Variants in AMN observed in about 807,000 individuals in gnomAD.
AMN encodes amnion associated transmembrane protein.
Under a neutral mutation model 49.1 loss-of-function variants are expected in AMN, and 40 were observed. That is an observed-to-expected ratio of 0.81 (90% CI 0.63 to 1.06). AMN has a LOEUF of 1.06. Among genes scored for constraint, AMN ranks in the 50% least tolerant of loss-of-function variants. AMN has a pLI of 0.00. For synonymous variants in AMN, 380 were observed against 313.3 expected, an observed-to-expected ratio of 1.21 and a Z score of -2.25; for missense variants, 701 against 662.8, an observed-to-expected ratio of 1.06 and a Z score of -0.63.
intron 4 of AMN, 95 bp from the exon 5 acceptor site, chr14:102,928,663 T>TTGGGAGGTCGTGCTCAGACGCGTGGCG: frequency 2.0e-6 from 3 of 1,514,982 alleles, no homozygotes; most frequent in Non-Finnish European, 8.9e-7. Flanking sequence ...GAAGCGGGGC[T>TTGGGAGGTCGTGCTCAGACGCGTGGCG]TGGGAGGTCG....
chr14:102,922,779 A>T (rs1358658629), intron 1 of AMN, 48 bp downstream of exon 1: 1 of 1,553,340 alleles, frequency 6.4e-7, no homozygotes, highest in East Asian at 2.3e-5. Flanking sequence ...GCGGTCTGTC[A>T]GGACCCAGGG....
chr14:102,929,792 C>A, intron 8 of AMN, 55 bp downstream of exon 8: 1 of 1,544,312 alleles, frequency 6.5e-7, no homozygotes, highest in Non-Finnish European at 8.8e-7. Flanking sequence ...CCTACCGCCT[C>A]CGCCTAGGAC....
In AMN at chr14:102,930,064, C is replaced by T; in HGVS notation, c.984C>T (p.Leu328=). 1 of 1,544,104 alleles carries T rather than the reference C, an allele frequency of 6.5e-7. No homozygotes were observed. Among genetic ancestry groups the T allele is most frequent in the South Asian group, 1.2e-5 (1 of 83,532 alleles). The stretch of plus-strand genomic sequence containing the variant: ...GAGCGGGGCGGCTGGCCCGGGCCCT[C>T]CTGGCGGACGTCGCCGAGAACGGTA... ...TGGAGRLARA[L]LADVAENGEA... is the part of the protein sequence containing the mutation. Residue 328 remains leucine, a synonymous_variant, in exon 9 of 12, where the codon CTC becomes CTT. Transcript: ENST00000299155.
chr14:102,930,104 A>G lies in AMN; in HGVS notation c.1006+18A>G, dbSNP rs1347856592. On this transcript the variant is annotated intron_variant, in intron 9 of 11. Coordinates refer to ENST00000299155, the MANE Select transcript of AMN (RefSeq NM_030943.4). The stretch of plus-strand genomic sequence containing the variant: ...CGAGAACGGTAACCGCGCCCGCCCC[A>G]TCCCGCCCCGCCGCGCCTCGCCCCG... 1 of 1,516,460 alleles carries G rather than the reference A, an allele frequency of 6.6e-7. No homozygotes were observed. The highest frequency in any genetic ancestry group is 2.1e-5 in the Admixed American group (1 of 47,198). The allele number at this position is 1,516,460 out of a possible 1,614,324, so 93.9% of individuals were successfully genotyped here.
Position 102,929,512 on chromosome 14 carries a change from C to A in AMN, c.736C>A (p.Gln246Lys). 6.5e-7 allele frequency: 1 copy of A among 1,535,154 alleles called. No individual in the cohort carries two copies. The highest frequency in any genetic ancestry group is 8.7e-7 in the Non-Finnish European group (1 of 1,145,886). ...QAACHSALRP[Q>K]GQCCDLCGAV... ...CGCCTGCCACAGCGCCCTCCGGCCC[C>A]AGGGGCAGTGCTGTGACCTCTGTGG... The change falls in exon 7 of 12, where the codon CAG becomes AAG. Residue 246 changes from glutamine (Q) to lysine (K), a missense_variant. Gln to Lys is a moderately conservative substitution (Grantham distance 53, BLOSUM62 1). Transcript: ENST00000299155.
chr14:102,930,786 C>G lies in AMN; in HGVS notation c.*106C>G. The G allele has an allele frequency of 7.8e-7, 1 of 1,279,564 alleles. No homozygotes were observed. The highest frequency in any genetic ancestry group is 1.3e-5 in the South Asian group (1 of 78,208). 79.3% of individuals were successfully genotyped at this position (1,279,564 alleles called of 1,614,324 possible). A position where few individuals can be genotyped will look rare whatever the true frequency, so the allele number is the denominator to read the frequency against. On this transcript the variant is annotated 3_prime_UTR_variant, in exon 12 of 12. Transcript: ENST00000299155. ...AGCCCCCAAACCTCCCCTTCCTTTC[C>G]CCCTCCTCCGGGGGCCAAGGACAGG... is the stretch of plus-strand genomic sequence containing the variant.
intron 1 of AMN, chr14:102,923,347 A>C: frequency 3.0e-6 from 1 of 337,548 alleles, no homozygotes; most frequent in Non-Finnish European, 5.7e-6. Context: ...AAGGCCGAGA[A>C]GAGGTCTGTG....
chr14:102,923,508 G>C (rs762523439), intron 1 of AMN: 3 of 602,452 alleles, frequency 5.0e-6, no homozygotes, highest in Non-Finnish European at 8.9e-6. Context: ...GGTATCAGTA[G>C]AAGTCCGTTG....
In AMN at chr14:102,929,959, G is replaced by A; in HGVS notation, c.879G>A (p.Lys293=). ...QYHGLQVAVS[K]VPRSSRLREA... ...ACGGGCTGCAGGTGGCCGTGTCCAA[G>A]GTGCCACGCTCGTCCCGGCTCCGTG... Residue 293 remains lysine (K), a synonymous_variant, in exon 9 of 12, where the codon AAG becomes AAA. Transcript: ENST00000299155. The A allele has an allele frequency of 6.4e-7, 1 of 1,564,332 alleles. No homozygotes were observed. The highest frequency in any genetic ancestry group is 1.9e-5 in the Admixed American group (1 of 53,376).
intron 3 of AMN, among the ~76,000 whole-genome samples, chr14:102,926,858 G>A (rs1238060627): frequency 6.6e-6 from 1 of 151,900 alleles, no homozygotes; most frequent in East Asian, 1.9e-4. Flanking sequence ...CCCTGTAGAG[G>A]TCTTATATTG....
intron 3 of AMN, among the ~76,000 whole-genome samples, chr14:102,927,537 A>C (rs1173528735): frequency 6.6e-6 from 1 of 152,148 alleles, no homozygotes; most frequent in Admixed American, 6.5e-5. Context: ...GTGTGCACGG[A>C]ACTGAAGTGT....
chr14:102,930,682 CGGCCGCCTGACCGTCGACCTTG>C lies in AMN; in HGVS notation c.*5_*26del. ...GCCGGGGCCGAGGCCGAGGCCTGAG[CGGCCGCCTGACCGTCGACCTTG>C]GGGCTCTCCACCCGCTCTGGCCCCA... On this transcript the variant is annotated 3_prime_UTR_variant, in exon 12 of 12. Coordinates refer to ENST00000299155, the MANE Select transcript of AMN (RefSeq NM_030943.4). 6.3e-7 allele frequency: 1 copy of C among 1,578,582 alleles called. No individual in the cohort carries two copies. The highest frequency in any genetic ancestry group is 8.6e-7 in the Non-Finnish European group (1 of 1,163,768).
rs548069465 is a variant in AMN at position 102,928,934 on chromosome 14, G to A, written c.472G>A (p.Ala158Thr). Residue 158 changes from alanine (A) to threonine (T), a missense_variant, in exon 5 of 12, where the codon GCT becomes ACT. By Grantham distance (58) the Ala-to-Thr change is moderately conservative (BLOSUM62 0). Coordinates refer to ENST00000299155, the MANE Select transcript of AMN (RefSeq NM_030943.4). ...ASFRVGLGPGASPVRVRSISA... is the reference protein window; with the variant it reads ...ASFRVGLGPGTSPVRVRSISA... The stretch of plus-strand genomic sequence containing the variant: ...CTTCCGCGTGGGGCTCGGCCCTGGC[G>A]CTAGCCCCGTGCGTGTCCGCAGCAT... 1.3e-5 allele frequency: 21 copies of A among 1,600,864 alleles called. No individual in the cohort carries two copies. The South Asian group carries it at 2.3e-4, about 18-fold the overall frequency.
In AMN at chr14:102,929,129, G is replaced by A. The variant is rs1891266636; in HGVS notation, c.522G>A (p.Thr174=). The part of the protein sequence containing the change: ...RSISALGRTF[T]RDEDLAVFLA... ...GACCCGGCTGCCCGCAGACGTTCAC[G>A]CGCGACGAGGACCTGGCTGTTTTCC... The change falls in exon 6 of 12, where the codon ACG becomes ACA. Residue 174 remains threonine (T), a synonymous_variant. Transcript: ENST00000299155. The A allele has an allele frequency of 6.3e-7, 1 of 1,597,536 alleles. No individual in the cohort carries two copies. Among genetic ancestry groups the A allele is most frequent in the Non-Finnish European group, 8.5e-7 (1 of 1,179,600 alleles).
chr14:102,923,686 G>A (rs1476669941), intron 1 of AMN, 25 bp from the exon 2 acceptor site: 27 of 1,589,804 alleles, frequency 1.7e-5, no homozygotes, highest in Non-Finnish European at 2.2e-5. Flanking sequence ...AGAGCATCCC[G>A]GGCACTCAGT....
rs1489485857 is a variant in AMN, at chr14:102,928,897, G to T, written c.435G>T (p.Pro145=). 1.2e-6 allele frequency: 2 copies of T among 1,603,370 alleles called. No individual in the cohort carries two copies. The highest frequency in any genetic ancestry group is 2.2e-5 in the South Asian group (2 of 91,078). ...VPCRHDDVFF[P]PSASFRVGLG... ...GCCGCCACGACGACGTCTTCTTTCC[G>T]CCTAGTGCCTCCTTCCGCGTGGGGC... is the stretch of plus-strand genomic sequence containing the variant. Residue 145 remains proline (P), a synonymous_variant, in exon 5 of 12, where the codon CCG becomes CCT. Coordinates refer to ENST00000299155, the MANE Select transcript of AMN (RefSeq NM_030943.4).
At position 102,929,536 on chromosome 14, in the gene AMN, G is replaced by A; in HGVS notation, c.760G>A (p.Gly254Arg). 1 of 1,538,924 alleles carries A rather than the reference G, an allele frequency of 6.5e-7. No homozygotes were observed. Among genetic ancestry groups the A allele is most frequent in the Non-Finnish European group, 8.7e-7 (1 of 1,146,470 alleles). The change falls in exon 7 of 12, where the codon GGA becomes AGA. Residue 254 changes from glycine to arginine, a missense_variant and splice_region_variant. By Grantham distance (125) the Gly-to-Arg change is moderately radical. Transcript: ENST00000299155. ...CCAGGGGCAGTGCTGTGACCTCTGT[G>A]GTAAGCGCCCCCGCCGGGCCCTGCT... is the stretch of plus-strand genomic sequence containing the variant. Reference protein sequence around the residue: ...RPQGQCCDLCGAVVLLTHGPA... With the variant: ...RPQGQCCDLCRAVVLLTHGPA...
intron 8 of AMN, 29 bp from the exon 9 acceptor site, chr14:102,929,895 A>T: frequency 6.5e-7 from 1 of 1,550,382 alleles, no homozygotes. Flanking sequence ...CGGGGGGCTG[A>T]GTCAAACCAA....
rs36040113 is a variant in AMN at position 102,930,656 on chromosome 14, C to CGCCGGG, written c.1343_1348dup (p.Gly448_Ala449dup). On this transcript the variant is annotated inframe_insertion, in exon 12 of 12. Coordinates refer to ENST00000299155, the MANE Select transcript of AMN (RefSeq NM_030943.4). ...ACAGTTACTTCGTCAACCCTCTGTTCGCCGGGGCCGAGGCCGAGGCCTGAG... is the reference window on the plus strand; with the variant it reads ...ACAGTTACTTCGTCAACCCTCTGTTCGCCGGGGCCGGGGCCGAGGCCGAGGCCTGAG... The CGCCGGG allele has an allele frequency of 9.1e-3, 14,527 of 1,595,842 alleles. 93 individuals are homozygous for CGCCGGG. Among genetic ancestry groups the CGCCGGG allele is most frequent in the African/African-American group, 0.04 (3,000 of 74,648 alleles).
Sources: allele counts gnomAD v4.1 joint callset (sites outside exome capture counted in the v4.1 genomes callset), GRCh38; gene constraint gnomAD v4.1.1; transcripts MANE v1.5; gene names NCBI Gene and HGNC (gene_info 2026-07-23, HGNC 2026-07-21).